SGK1: variants seen among roughly 807,000 people sequenced by gnomAD.
SGK1 encodes serine/threonine-protein kinase Sgk1.
SGK1 carries 26 observed loss-of-function variants against 64.2 expected under a neutral mutation model. That is an observed-to-expected ratio of 0.40 (90% CI 0.30 to 0.56). The LOEUF is 0.56. SGK1 is among the 20% of genes least tolerant of loss of function. SGK1 has a pLI of 0.38. For synonymous variants in SGK1, 265 were observed against 239.7 expected, an observed-to-expected ratio of 1.11 and a Z score of -0.98; for missense variants, 519 against 645.6, an observed-to-expected ratio of 0.80 and a Z score of 2.12.
Position 134,297,986 on chromosome 6 carries a change from C to T in SGK1, c.69+19406G>A. 4.9e-6 allele frequency: 4 copies of T among 820,722 alleles called. No homozygotes were observed. In the South Asian group the frequency reaches 5.4e-5, roughly 11 times the overall value. 50.8% of individuals were successfully genotyped at this position (820,722 alleles called of 1,614,324 possible). On this transcript the variant is annotated intron_variant, in intron 1 of 13. Transcript: ENST00000367858. ...CCGGGGAGCGGCTGTTGTCCATGGA[C>T]AGCATCACAGACGTATCCGAGATCT...
intron 2 of SGK1, among the ~76,000 whole-genome samples, chr6:134,255,854 G>T (rs564411564): frequency 1.3e-5 from 2 of 152,082 alleles, no homozygotes; most frequent in East Asian, 3.9e-4. Flanking sequence ...AAAAGTGCTG[G>T]GATTACAGGC....
At chr6:134,300,868 G>A (rs1297746603) in intron 1 of SGK1, among the ~76,000 whole-genome samples, 4 of 151,750 alleles carry the variant, frequency 2.6e-5, no homozygotes, top group East Asian at 2.0e-4. Flanking sequence ...TCCTGACCTC[G>A]GGTGATCTAC....
Position 134,170,152 on chromosome 6 carries a change from C to T in SGK1, c.*116G>A, listed in dbSNP as rs1181474693. The T allele has an allele frequency of 1.2e-5, 10 of 857,168 alleles. No homozygotes were observed. The highest frequency in any genetic ancestry group is 1.0e-4 in the East Asian group (4 of 39,728). 53.1% of individuals were successfully genotyped at this position (857,168 alleles called of 1,614,324 possible). ...GTGTGCAATAAGATTGCTAAGCTTC[C>T]AGAGATGTGCAAATTCTCTTGTAAG... On this transcript the variant is annotated 3_prime_UTR_variant, in exon 14 of 14. Coordinates refer to ENST00000367858, the MANE Select transcript of SGK1 (RefSeq NM_001143676.3).
chr6:134,202,387 T>C (rs1316219478), intron 3 of SGK1, among the ~76,000 whole-genome samples: 1 of 152,200 alleles, frequency 6.6e-6, no homozygotes, highest in African/African-American at 2.4e-5. Context: ...CTCACTCCTG[T>C]AATCCCAGCA....
chr6:134,217,117 G>A (rs2114697330), intron 2 of SGK1, among the ~76,000 whole-genome samples: 1 of 152,310 alleles, frequency 6.6e-6, no homozygotes, highest in South Asian at 2.1e-4. Context: ...ACAACAGGGA[G>A]TTGACAGAGC....
At chr6:134,196,579 A>G (rs1775597633) in intron 3 of SGK1, among the ~76,000 whole-genome samples, 1 of 152,254 alleles carries the variant, frequency 6.6e-6, no homozygotes, top group African/African-American at 2.4e-5. Flanking sequence ...AATTCACGAC[A>G]CAACCACAAC....
chr6:134,289,623 T>TGGAAAA (rs1777233933), intron 1 of SGK1, among the ~76,000 whole-genome samples: 1 of 152,122 alleles, frequency 6.6e-6, no homozygotes, highest in Non-Finnish European at 1.5e-5. Context: ...CCATACTGTG[T>TGGAAAA]TTAAAATCTG....
chr6:134,176,388 AGAG>A (rs1361272563), intron 3 of SGK1, among the ~76,000 whole-genome samples: 1 of 152,230 alleles, frequency 6.6e-6, no homozygotes, highest in Non-Finnish European at 1.5e-5. Context: ...GGCAGGGAAG[AGAG>A]GGAAGCTCGA....
intron 1 of SGK1, among the ~76,000 whole-genome samples, chr6:134,314,620 C>T (rs148057791): frequency 6.6e-6 from 1 of 152,310 alleles, no homozygotes; most frequent in Non-Finnish European, 1.5e-5. Flanking sequence ...CTACCCAGAA[C>T]ATAGTCAGCT....
chr6:134,312,246 G>C (rs2114803610), intron 1 of SGK1, among the ~76,000 whole-genome samples: 1 of 152,330 alleles, frequency 6.6e-6, no homozygotes, highest in Admixed American at 6.5e-5. Flanking sequence ...CCTGAGTAAA[G>C]TGCTTTGAAC....
chr6:134,253,876 A>G (rs1776641891), intron 2 of SGK1, among the ~76,000 whole-genome samples: 1 of 152,164 alleles, frequency 6.6e-6, no homozygotes, highest in South Asian at 2.1e-4. Flanking sequence ...AACAGCACAC[A>G]GTGCCTTGGC....
chr6:134,302,912 G>A (rs572323240), intron 1 of SGK1, among the ~76,000 whole-genome samples: 173 of 151,984 alleles, frequency 1.1e-3, no homozygotes, highest in Non-Finnish European at 1.8e-3. Context: ...GCGCTATCAT[G>A]CCTGGCTAAT....
chr6:134,212,211 G>A (rs1775903830), intron 2 of SGK1, among the ~76,000 whole-genome samples: 2 of 151,670 alleles, frequency 1.3e-5, no homozygotes, highest in East Asian at 2.0e-4. Flanking sequence ...CTGCCACCAC[G>A]CCCGGCTAAT....
chr6:134,188,911 T>TTC (rs1471258632), intron 3 of SGK1, among the ~76,000 whole-genome samples: 154 of 38,756 alleles, frequency 4.0e-3, no homozygotes, highest in African/African-American at 0.012. Context: ...TCTTTTTCTT[T>TTC]TTTTTTTTTT....
At chr6:134,215,106 C>T (rs1311123612) in intron 2 of SGK1, 1 of 450,446 alleles carries the variant, frequency 2.2e-6, no homozygotes, top group Admixed American at 2.4e-5. Flanking sequence ...GGAAAATAAA[C>T]ATGAGAGTAA....
intron 1 of SGK1, among the ~76,000 whole-genome samples, chr6:134,315,378 T>C (rs554231312): frequency 6.6e-6 from 1 of 152,326 alleles, no homozygotes; most frequent in East Asian, 1.9e-4. Context: ...TGAAGCTGCC[T>C]GCCAGTTATC....
At chr6:134,176,078 C>T in intron 3 of SGK1, 1 of 763,674 alleles carries the variant, frequency 1.3e-6, no homozygotes, top group Non-Finnish European at 1.6e-6. Flanking sequence ...TTAATCTCTG[C>T]CATGCCAAGA....
At chr6:134,243,623 C>T (rs1218144028) in intron 2 of SGK1, among the ~76,000 whole-genome samples, 2 of 152,182 alleles carry the variant, frequency 1.3e-5, no homozygotes, top group Non-Finnish European at 2.9e-5. Flanking sequence ...CTTGCCTTGG[C>T]CTCCGAAAGT....
intron 1 of SGK1, among the ~76,000 whole-genome samples, chr6:134,284,043 C>G (rs1777141764): frequency 6.6e-6 from 1 of 151,866 alleles, no homozygotes; most frequent in Non-Finnish European, 1.5e-5. Flanking sequence ...GGGTATTATG[C>G]TATTTTATCA....
Sources: gnomAD v4.1 joint callset for allele counts (sites outside exome capture counted in the v4.1 genomes callset) on GRCh38, gnomAD v4.1.1 for gene constraint, MANE v1.5 for transcripts, NCBI Gene and HGNC (gene_info 2026-07-23, HGNC 2026-07-21) for gene names.